Variants in LPA observed in about 807,000 individuals in gnomAD.
LPA encodes lipoprotein(a).
A neutral mutation model predicts 197.9 loss-of-function variants in LPA; 199 were observed. The ratio of observed to expected loss-of-function variants is 1.01; its 90% CI spans 0.90 to 1.13. The LOEUF (loss-of-function observed/expected upper bound fraction) is 1.13, where lower values mean the gene tolerates loss of function less well. LPA is among the 50% of genes most tolerant of loss of function. The pLI, the probability that LPA is intolerant of heterozygous loss-of-function variation, is 0.00. For missense variants in LPA, 1,853 were observed against 1,785.8 expected (o/e 1.04, Z -0.68); for synonymous variants, 715 against 639.5 (o/e 1.12, Z -1.78).
intron 16 of LPA, among the ~76,000 whole-genome samples, chr6:160,607,962 G>A (rs1479919849): frequency 6.6e-6 from 1 of 152,104 alleles, no homozygotes; most frequent in Non-Finnish European, 1.5e-5. Flanking sequence ...CATTGTGCAT[G>A]AGGTAAGAAA....
chr6:160,547,023 A>G (rs1446593963), intron 32 of LPA, among the ~76,000 whole-genome samples: 3 of 152,212 alleles, frequency 2.0e-5, no homozygotes, highest in Non-Finnish European at 4.4e-5. Flanking sequence ...TTTTGGCACC[A>G]GAGACCAGTT....
At chr6:160,581,785 A>G (rs9346824) in intron 26 of LPA, among the ~76,000 whole-genome samples, 61,693 of 151,916 alleles carry the variant, frequency 0.41, 13,343 homozygotes, top group African/African-American at 0.56. Context: ...GTGGGTTGAA[A>G]CTAAAGATCA....
intron 28 of LPA, among the ~76,000 whole-genome samples, chr6:160,567,749 A>T (rs1778484812): frequency 6.6e-6 from 1 of 152,070 alleles, no homozygotes. Flanking sequence ...GACCACTAGC[A>T]AGACTAATAA....
chr6:160,611,730 A>G lies in LPA; in HGVS notation c.2444-9T>C. On this transcript the variant is annotated splice_polypyrimidine_tract_variant and intron_variant, in intron 15 of 38. Coordinates refer to ENST00000316300, the MANE Select transcript of LPA (RefSeq NM_005577.4). ...CCTCTGCTCAGTCGGTGCTGAAATG[A>G]AAACACAAGAAATAAACTGAGTATC... 1.4e-6 allele frequency: 2 copies of G among 1,460,090 alleles called. No homozygotes were observed. Among genetic ancestry groups the G allele is most frequent in the South Asian group, 2.3e-5 (2 of 86,630 alleles). The allele number at this position is 1,460,090 out of a possible 1,614,324, so 90.4% of individuals were successfully genotyped here. A position where few individuals can be genotyped will look rare whatever the true frequency, so the allele number is the denominator to read the frequency against.
chr6:160,606,782 C>G lies in LPA; in HGVS notation c.2604-124G>C. On this transcript the variant is annotated intron_variant, in intron 16 of 38. Transcript: ENST00000316300. ...CCTTTCTAATATTCCCATAAAAGTA[C>G]CATATGATTGCCACAAGCACAAATG... 3 of 1,437,022 alleles carry G rather than the reference C, an allele frequency of 2.1e-6. No individual in the cohort carries two copies. The South Asian group carries it at 3.4e-5, about 16-fold the overall frequency. The allele number at this position is 1,437,022 out of a possible 1,614,324, so 89.0% of individuals were successfully genotyped here.
At chr6:160,586,892 A>C (rs1778922172) in intron 24 of LPA, among the ~76,000 whole-genome samples, 1 of 152,204 alleles carries the variant, frequency 6.6e-6, no homozygotes, top group South Asian at 2.1e-4. Flanking sequence ...GTGTACCAGA[A>C]AGGATCAGAA....
chr6:160,549,252 G>T (rs1778130017), intron 30 of LPA, among the ~76,000 whole-genome samples: 1 of 152,230 alleles, frequency 6.6e-6, no homozygotes, highest in South Asian at 2.1e-4. Flanking sequence ...TGAGATTTTG[G>T]GTGGGGACAT....
At chr6:160,583,772 C>G (rs1234326821) in intron 26 of LPA, among the ~76,000 whole-genome samples, 1 of 152,110 alleles carries the variant, frequency 6.6e-6, no homozygotes, top group African/African-American at 2.4e-5. Flanking sequence ...GTAAACAAAA[C>G]TCCAGTCTCT....
At chr6:160,581,550 T>C (rs1778802017) in intron 26 of LPA, among the ~76,000 whole-genome samples, 1 of 152,110 alleles carries the variant, frequency 6.6e-6, no homozygotes, top group African/African-American at 2.4e-5. Flanking sequence ...AATCCTCTCA[T>C]CTTGGCCTCC....
intron 35 of LPA, among the ~76,000 whole-genome samples, chr6:160,540,540 A>G (rs1265776095): frequency 6.6e-6 from 1 of 152,100 alleles, no homozygotes; most frequent in Non-Finnish European, 1.5e-5. Context: ...TCTCACTCTT[A>G]GTTCTTGCAA....
At position 160,585,081 on chromosome 6, in the gene LPA, A is replaced by G; in HGVS notation, c.4254T>C (p.His1418=). The change falls in exon 26 of 39, where the codon CAT becomes CAC. Residue 1418 remains histidine, a synonymous_variant. Coordinates refer to ENST00000316300, the MANE Select transcript of LPA (RefSeq NM_005577.4). ...AGTATAATGGGATCCTCCGATGCCA[A>G]TGTGGTGTCATAGACGACCAAGACT... is the stretch of plus-strand genomic sequence containing the variant. ...TCQSWSSMTP[H]WHRRIPLYYP... is the part of the protein sequence containing the mutation. 4 of 1,613,842 alleles carry G rather than the reference A, an allele frequency of 2.5e-6. No individual in the cohort carries two copies. Among genetic ancestry groups the G allele is most frequent in the Non-Finnish European group, 2.5e-6 (3 of 1,179,780 alleles).
chr6:160,587,467 CT>C (rs1305726507), intron 24 of LPA, among the ~76,000 whole-genome samples: 10 of 152,120 alleles, frequency 6.6e-5, no homozygotes, highest in Admixed American at 4.6e-4. Context: ...TAGGAACCCC[CT>C]TTTTTTCTTT....
At chr6:160,545,730 A>C (rs1277849256) in intron 32 of LPA, among the ~76,000 whole-genome samples, 197 bp from the exon 33 acceptor site, 1 of 152,076 alleles carries the variant, frequency 6.6e-6, no homozygotes, top group Non-Finnish European at 1.5e-5. Context: ...AAAAGGAGTT[A>C]TGAGGCCACA....
At chr6:160,557,277 T>A in intron 29 of LPA, 113 bp downstream of exon 29, 1 of 1,291,672 alleles carries the variant, frequency 7.7e-7, no homozygotes, top group Non-Finnish European at 1.1e-6. Flanking sequence ...TCTTTCCACC[T>A]GCCATACCCT....
At chr6:160,589,512 G>T in intron 24 of LPA, 41 bp downstream of exon 24, 1 of 1,609,182 alleles carries the variant, frequency 6.2e-7, no homozygotes, top group South Asian at 1.1e-5. Context: ...AGAAATTTAA[G>T]TGGGTGGCTG....
At chr6:160,606,135 G>A (rs1194211068) in intron 17 of LPA, among the ~76,000 whole-genome samples, 1 of 152,156 alleles carries the variant, frequency 6.6e-6, no homozygotes, top group Non-Finnish European at 1.5e-5. Context: ...GAAGTCCCAG[G>A]AAAAGCTTAC....
At chr6:160,542,138 T>G (rs2114999300) in intron 34 of LPA, among the ~76,000 whole-genome samples, 1 of 152,296 alleles carries the variant, frequency 6.6e-6, no homozygotes, top group East Asian at 1.9e-4. Flanking sequence ...ATACCCAAAA[T>G]GTCCAGGTTC....
At position 160,654,043 on chromosome 6, in the gene LPA, A is replaced by ATT. The variant is rs1562354908; in HGVS notation, c.50-3547_50-3546insAA. ...ATAATATATAATATATATTATATAT[A>ATT]ATATATAATATATTATATATATTAT... is the stretch of plus-strand genomic sequence containing the variant. On this transcript the variant is annotated intron_variant, in intron 1 of 38. Coordinates refer to ENST00000316300, the MANE Select transcript of LPA (RefSeq NM_005577.4). 8.4e-4 allele frequency among the ~76,000 whole-genome samples: 6 copies of ATT among 7,182 alleles called. 1 individual carries two copies. The highest frequency in any genetic ancestry group is 2.2e-3 in the African/African-American group (3 of 1,360). The allele number at this position is 7,182 out of a possible 152,430, so 4.7% of individuals were successfully genotyped here.
At chr6:160,532,085 T>C (rs922281320) in intron 38 of LPA, among the ~76,000 whole-genome samples, 195 bp from the exon 39 acceptor site, 1 of 152,118 alleles carries the variant, frequency 6.6e-6, no homozygotes. Context: ...CATCACTTAG[T>C]TTTTTCCTGG....
Sources: gnomAD v4.1 joint callset for allele counts (sites outside exome capture counted in the v4.1 genomes callset) on GRCh38, gnomAD v4.1.1 for gene constraint, MANE v1.5 for transcripts, NCBI Gene and HGNC (gene_info 2026-07-23, HGNC 2026-07-21) for gene names.